The following ASAP2 variants were observed in gnomAD, a reference collection of about 807,000 sequenced individuals.
ASAP2 encodes arf-GAP with SH3 domain, ANK repeat and PH domain-containing protein 2.
Under a neutral mutation model 131.4 loss-of-function variants are expected in ASAP2, and 45 were observed. The observed-to-expected ratio is 0.34, with a 90% CI of 0.27 to 0.44. The LOEUF (loss-of-function observed/expected upper bound fraction) is 0.44, where lower values mean the gene tolerates loss of function less well. ASAP2 is among the 20% of genes least tolerant of loss of function. The pLI is 1.00. For synonymous variants in ASAP2, 510 were observed against 503.0 expected (o/e 1.01, Z -0.19); for missense variants, 1,011 against 1,297.0 (o/e 0.78, Z 3.39).
In ASAP2 at chr2:9,352,809, G is replaced by C. The variant is rs181404157; in HGVS notation, c.1111+1914G>C. Reference sequence around the variant, plus strand: ...GAAACATCTTCAGGAAGGACTTGTAGCCTGTGATGCCCAGACAGGTTTGCT... The same window carrying C: ...GAAACATCTTCAGGAAGGACTTGTACCCTGTGATGCCCAGACAGGTTTGCT... On this transcript the variant is annotated intron_variant, in intron 12 of 27. Transcript: ENST00000281419. 5.9e-5 allele frequency among the ~76,000 whole-genome samples: 9 copies of C among 152,340 alleles called. No homozygotes were observed. The East Asian group carries it at 1.4e-3, about 23-fold the overall frequency.
At chr2:9,374,406 G>T in intron 16 of ASAP2, among the ~76,000 whole-genome samples, 1 of 152,224 alleles carries the variant, frequency 6.6e-6, no homozygotes, top group Non-Finnish European at 1.5e-5. Context: ...GGGAGGAGGC[G>T]CAGGGCATGC....
At chr2:9,338,294 T>G (rs1671351625) in intron 9 of ASAP2, among the ~76,000 whole-genome samples, 1 of 143,282 alleles carries the variant, frequency 7.0e-6, no homozygotes, top group Non-Finnish European at 1.5e-5. Context: ...ATGGTTGCTC[T>G]CTCTCTCTCT....
chr2:9,395,856 C>T (rs907805216), intron 24 of ASAP2, among the ~76,000 whole-genome samples: 6 of 151,948 alleles, frequency 3.9e-5, no homozygotes, highest in African/African-American at 1.5e-4. Context: ...ATCTGCCCTC[C>T]TCGGCCTCCC....
At chr2:9,397,748 ATATTTTTTT>A (rs1417467240) in intron 24 of ASAP2, among the ~76,000 whole-genome samples, 25 of 65,744 alleles carry the variant, frequency 3.8e-4, no homozygotes, top group South Asian at 2.1e-3. Context: ...ATATATATAT[ATATTTTTTT>A]TTTTTTTTTT....
intron 1 of ASAP2, among the ~76,000 whole-genome samples, chr2:9,210,947 G>C (rs1289119914): frequency 1.3e-5 from 2 of 151,954 alleles, no homozygotes; most frequent in Non-Finnish European, 2.9e-5. Context: ...CTTGGGGTCA[G>C]GAGTTCGAAA....
intron 15 of ASAP2, among the ~76,000 whole-genome samples, chr2:9,366,927 C>T (rs548187668): frequency 6.6e-6 from 1 of 152,098 alleles, no homozygotes; most frequent in Non-Finnish European, 1.5e-5. Flanking sequence ...ACCCAGACCT[C>T]TTGGGCTCTC....
At chr2:9,398,472 T>C (rs1676365853) in intron 24 of ASAP2, among the ~76,000 whole-genome samples, 1 of 151,846 alleles carries the variant, frequency 6.6e-6, no homozygotes, top group Non-Finnish European at 1.5e-5. Flanking sequence ...ATTGCCGCAC[T>C]GCACTCGAGC....
At position 9,335,762 on chromosome 2, in the gene ASAP2, A is replaced by G. The variant is rs539874000; in HGVS notation, c.849+583A>G. Among the ~76,000 whole-genome samples, 119 of 152,348 alleles carry G rather than the reference A, an allele frequency of 7.8e-4. 1 individual carries two copies. Among genetic ancestry groups the G allele is most frequent in the South Asian group, 2.5e-3 (12 of 4,826 alleles). On this transcript the variant is annotated intron_variant, in intron 9 of 27. Coordinates refer to ENST00000281419, the MANE Select transcript of ASAP2 (RefSeq NM_003887.3). Reference sequence around the variant, plus strand: ...TTGTGTTGTGGGGACTTGTTTTTAAAAAGCCATTAAAAAGTAAGTTTTAAA... The same window carrying G: ...TTGTGTTGTGGGGACTTGTTTTTAAGAAGCCATTAAAAAGTAAGTTTTAAA...
chr2:9,271,312 G>A (rs11682874), intron 1 of ASAP2: 184,034 of 888,698 alleles, frequency 0.21, 21,944 homozygotes, highest in Non-Finnish European at 0.26. Flanking sequence ...TCAGCTGATC[G>A]TCCTTAGCCA....
At chr2:9,259,093 G>A (rs992043556) in intron 1 of ASAP2, among the ~76,000 whole-genome samples, 1 of 152,224 alleles carries the variant, frequency 6.6e-6, no homozygotes, top group East Asian at 1.9e-4. Context: ...CCCGTGGGAC[G>A]GAGGTTCAGC....
intron 20 of ASAP2, among the ~76,000 whole-genome samples, chr2:9,384,006 C>T (rs1249396594): frequency 6.6e-6 from 1 of 151,976 alleles, no homozygotes; most frequent in Non-Finnish European, 1.5e-5. Flanking sequence ...CAAACCGGGG[C>T]CTGTCATGGG....
chr2:9,308,379 C>T (rs1433577752), intron 3 of ASAP2, among the ~76,000 whole-genome samples: 4 of 152,196 alleles, frequency 2.6e-5, no homozygotes, highest in Admixed American at 6.5e-5. Context: ...CCAAACCAGT[C>T]GTGAGAACTT....
At position 9,404,961 on chromosome 2, in the gene ASAP2, AGATTT is replaced by A. The variant is rs1032294404; in HGVS notation, c.*1635_*1639del. On this transcript the variant is annotated 3_prime_UTR_variant, in exon 28 of 28. Transcript: ENST00000281419. ...TGAACCCTTCATTTAATTTTCTCAT[AGATTT>A]AAGTAAACAGATGTATTTTGCACAG... 2 of 152,458 alleles carry A rather than the reference AGATTT, an allele frequency of 1.3e-5. No individual in the cohort carries two copies. The highest frequency in any genetic ancestry group is 2.4e-5 in the African/African-American group (1 of 41,392). 9.4% of individuals were successfully genotyped at this position (152,458 alleles called of 1,614,324 possible).
chr2:9,209,917 A>G (rs185017113), intron 1 of ASAP2, among the ~76,000 whole-genome samples: 48 of 152,322 alleles, frequency 3.2e-4, no homozygotes, highest in Admixed American at 1.3e-3. Context: ...GTTATTTCCA[A>G]TGTAGGTTCT....
chr2:9,393,990 G>A (rs532931765), intron 24 of ASAP2, among the ~76,000 whole-genome samples: 35 of 152,258 alleles, frequency 2.3e-4, no homozygotes, highest in Non-Finnish European at 4.6e-4. Context: ...TCTGTGGTGT[G>A]AGGCGTGGAT....
chr2:9,333,491 A>G (rs910949712), intron 7 of ASAP2, among the ~76,000 whole-genome samples: 2 of 152,234 alleles, frequency 1.3e-5, no homozygotes, highest in African/African-American at 2.4e-5. Flanking sequence ...GGGGATGTTT[A>G]ACCTAAAACT....
chr2:9,405,441 A>G lies in ASAP2; in HGVS notation c.*2114A>G, dbSNP rs1677140157. 2 of 152,646 alleles carry G rather than the reference A, an allele frequency of 1.3e-5. No homozygotes were observed. Among genetic ancestry groups the G allele is most frequent in the Non-Finnish European group, 2.9e-5 (2 of 68,038 alleles). The allele number at this position is 152,646 out of a possible 1,614,324, so 9.5% of individuals were successfully genotyped here. On this transcript the variant is annotated 3_prime_UTR_variant, in exon 28 of 28. Transcript: ENST00000281419. ...TACACAGACTAAGAGTAACTGTGTG[A>G]TCTGTTAAGGGGTGGATAACATAAT...
At chr2:9,327,002 A>G (rs1308559237) in intron 6 of ASAP2, among the ~76,000 whole-genome samples, 1 of 152,250 alleles carries the variant, frequency 6.6e-6, no homozygotes, top group African/African-American at 2.4e-5. Flanking sequence ...AAAGAGGGAA[A>G]GAAGGACCTA....
chr2:9,367,180 G>A (rs1225829401), intron 15 of ASAP2, among the ~76,000 whole-genome samples: 6 of 151,920 alleles, frequency 3.9e-5, no homozygotes, highest in South Asian at 2.1e-4. Context: ...ACAGGTGCAC[G>A]CCGCCATGCC....
Sources: allele counts gnomAD v4.1 joint callset (sites outside exome capture counted in the v4.1 genomes callset), GRCh38; gene constraint gnomAD v4.1.1; transcripts MANE v1.5; gene names NCBI Gene and HGNC (gene_info 2026-07-23, HGNC 2026-07-21).